Variants in SGCZ observed in about 807,000 individuals in gnomAD.
SGCZ encodes sarcoglycan zeta.
In SGCZ, 40 loss-of-function variants were observed where a neutral mutation model predicts 41.3. The observed-to-expected ratio is 0.97, with a 90% confidence interval of 0.75 to 1.26. The LOEUF (loss-of-function observed/expected upper bound fraction) is 1.26. SGCZ is among the 50% of genes most tolerant of loss of function. The pLI, the probability that SGCZ is intolerant of heterozygous loss-of-function variation, is 0.00. For missense variants in SGCZ, 552 were observed against 369.8 expected (o/e 1.49, Z -4.04); for synonymous variants, 206 against 137.5 (o/e 1.50, Z -3.49).
chr8:14,214,998 A>C (rs1337086017), intron 4 of SGCZ, among the ~76,000 whole-genome samples: 1 of 152,136 alleles, frequency 6.6e-6, no homozygotes, highest in Non-Finnish European at 1.5e-5. Context: ...AATACTGAAG[A>C]ATATTATCAA....
At chr8:14,618,172 T>C (rs1230757547) in intron 1 of SGCZ, among the ~76,000 whole-genome samples, 1 of 152,144 alleles carries the variant, frequency 6.6e-6, no homozygotes, top group Non-Finnish European at 1.5e-5. Flanking sequence ...CAAAAATATC[T>C]ACTTTGGTGA....
At chr8:15,075,239 G>A (rs1805489331) in intron 1 of SGCZ, among the ~76,000 whole-genome samples, 1 of 151,242 alleles carries the variant, frequency 6.6e-6, no homozygotes, top group Non-Finnish European at 1.5e-5. Flanking sequence ...AAAAAAAAAT[G>A]GATTATCATT....
chr8:14,358,288 G>A (rs1036143620), intron 2 of SGCZ, among the ~76,000 whole-genome samples: 1 of 152,040 alleles, frequency 6.6e-6, no homozygotes, highest in East Asian at 1.9e-4. Flanking sequence ...TTTTTGAAAT[G>A]GGGTAATCGA....
At chr8:14,293,481 T>C (rs1186485935) in intron 3 of SGCZ, among the ~76,000 whole-genome samples, 1 of 152,024 alleles carries the variant, frequency 6.6e-6, no homozygotes, top group Non-Finnish European at 1.5e-5. Context: ...CATATAGCAT[T>C]ACACAGAATG....
chr8:14,422,315 G>A (rs528924359), intron 2 of SGCZ, among the ~76,000 whole-genome samples: 47 of 152,188 alleles, frequency 3.1e-4, no homozygotes, highest in African/African-American at 1.1e-3. Context: ...GAATCTGTTA[G>A]GATATTTTAA....
intron 1 of SGCZ, among the ~76,000 whole-genome samples, chr8:14,732,656 GA>G (rs1798901561): frequency 6.6e-6 from 1 of 152,180 alleles, no homozygotes; most frequent in Admixed American, 6.5e-5. Flanking sequence ...CTGATGCAGG[GA>G]TTCTGACAAG....
chr8:14,179,203 C>G (rs1321107658), intron 4 of SGCZ, among the ~76,000 whole-genome samples: 1 of 152,144 alleles, frequency 6.6e-6, no homozygotes, highest in African/African-American at 2.4e-5. Flanking sequence ...TCCCATGTGT[C>G]CTGTGAAAAA....
chr8:15,106,421 T>C (rs956022035), intron 1 of SGCZ, among the ~76,000 whole-genome samples: 4 of 152,064 alleles, frequency 2.6e-5, no homozygotes, highest in Non-Finnish European at 5.9e-5. Flanking sequence ...ATCTCATTCA[T>C]ATACTTTAAT....
At chr8:15,172,937 T>C (rs996529194) in intron 1 of SGCZ, among the ~76,000 whole-genome samples, 3 of 152,226 alleles carry the variant, frequency 2.0e-5, no homozygotes, top group African/African-American at 7.2e-5. Flanking sequence ...TTAATACTAG[T>C]TAAATCCAAA....
intron 1 of SGCZ, among the ~76,000 whole-genome samples, chr8:15,156,726 C>T (rs1799339977): frequency 6.6e-6 from 1 of 152,074 alleles, no homozygotes; most frequent in African/African-American, 2.4e-5. Flanking sequence ...GACGGATCAC[C>T]TGAGGTCAGG....
chr8:14,178,551 G>C (rs1036283152), intron 4 of SGCZ, among the ~76,000 whole-genome samples: 3 of 152,156 alleles, frequency 2.0e-5, no homozygotes, highest in African/African-American at 7.2e-5. Flanking sequence ...TTGGATGTTT[G>C]TCTGTTGGAT....
intron 1 of SGCZ, among the ~76,000 whole-genome samples, chr8:14,791,413 A>C (rs1263894061): frequency 6.6e-6 from 1 of 152,120 alleles, no homozygotes; most frequent in African/African-American, 2.4e-5. Flanking sequence ...AGTGGTCAGC[A>C]GCTAACTGGT....
intron 2 of SGCZ, among the ~76,000 whole-genome samples, chr8:14,372,239 C>A (rs967807748): frequency 1.3e-5 from 2 of 152,026 alleles, no homozygotes; most frequent in Admixed American, 6.6e-5. Flanking sequence ...ACTAAATTTG[C>A]GAAACAGAAG....
chr8:14,895,283 T>A (rs904362465), intron 1 of SGCZ, among the ~76,000 whole-genome samples: 1 of 152,156 alleles, frequency 6.6e-6, no homozygotes, highest in Non-Finnish European at 1.5e-5. Context: ...CTAATTCTTC[T>A]GATTGTTAGT....
chr8:14,649,672 A>T (rs1807333760), intron 1 of SGCZ, among the ~76,000 whole-genome samples: 1 of 152,092 alleles, frequency 6.6e-6, no homozygotes, highest in Non-Finnish European at 1.5e-5. Flanking sequence ...CACAAGCCTA[A>T]TTGCTAAACA....
At chr8:14,414,395 G>C (rs147857945) in intron 2 of SGCZ, among the ~76,000 whole-genome samples, 1 of 151,862 alleles carries the variant, frequency 6.6e-6, no homozygotes, top group African/African-American at 2.4e-5. Context: ...TCCCTGGAGA[G>C]TACAAGTAAA....
At chr8:14,422,498 C>G (rs902887250) in intron 2 of SGCZ, among the ~76,000 whole-genome samples, 1 of 152,126 alleles carries the variant, frequency 6.6e-6, no homozygotes, top group Non-Finnish European at 1.5e-5. Flanking sequence ...TTCAAATGTG[C>G]CACAGACCCC....
intron 1 of SGCZ, among the ~76,000 whole-genome samples, chr8:15,022,555 G>A (rs1013969391): frequency 1.3e-5 from 2 of 152,044 alleles, no homozygotes; most frequent in Non-Finnish European, 2.9e-5. Flanking sequence ...TGTTTGCCAG[G>A]ATGGTCTCGA....
intron 2 of SGCZ, among the ~76,000 whole-genome samples, chr8:14,525,163 GATA>G (rs1483235303): frequency 3.8e-5 from 4 of 104,994 alleles, no homozygotes; most frequent in Non-Finnish European, 7.0e-5. Flanking sequence ...TAGATAGATA[GATA>G]GATAGATAGA....
Sources: gnomAD v4.1 joint callset for allele counts (sites outside exome capture counted in the v4.1 genomes callset) on GRCh38, gnomAD v4.1.1 for gene constraint, MANE v1.5 for transcripts, NCBI Gene and HGNC (gene_info 2026-07-23, HGNC 2026-07-21) for gene names.